GRM1: variants seen among roughly 807,000 people sequenced by gnomAD.
The protein encoded by GRM1 is glutamate metabotropic receptor 1.
A neutral mutation model predicts 90.9 loss-of-function variants in GRM1; 33 were observed. The observed-to-expected ratio is 0.36, with a 90% CI of 0.28 to 0.49. GRM1 has a LOEUF of 0.49. Ranked by LOEUF, GRM1 falls within the 20% of genes least tolerant of loss-of-function variation. GRM1 has a pLI of 0.99. For missense variants in GRM1, 1,190 were observed against 1,534.3 expected, an observed-to-expected ratio of 0.78 and a Z score of 3.75; for synonymous variants, 700 against 613.2, an observed-to-expected ratio of 1.14 and a Z score of -2.09.
chr6:146,271,114 C>T (rs1031230836), intron 2 of GRM1, among the ~76,000 whole-genome samples: 1 of 151,830 alleles, frequency 6.6e-6, no homozygotes, highest in Admixed American at 6.6e-5. Flanking sequence ...AAGCAATTCT[C>T]CTGCCTCAAC....
In GRM1 at chr6:146,178,836, A is replaced by G. The variant is rs145878794; in HGVS notation, c.950+19239A>G. Reference sequence around the variant, plus strand: ...CTATCTGCCCTAGACCAACTTGTGTACTGTTCATTATGTACATCACCCACT... The same window carrying G: ...CTATCTGCCCTAGACCAACTTGTGTGCTGTTCATTATGTACATCACCCACT... On this transcript the variant is annotated intron_variant, in intron 2 of 7. Coordinates refer to ENST00000282753, the MANE Select transcript of GRM1 (RefSeq NM_001278064.2). Among the ~76,000 whole-genome samples, 95 of 152,278 alleles carry G rather than the reference A, an allele frequency of 6.2e-4. No homozygotes were observed. The Middle Eastern group carries it at 0.014, about 22-fold the overall frequency.
intron 7 of GRM1, among the ~76,000 whole-genome samples, chr6:146,414,436 C>T (rs1777693761): frequency 6.8e-6 from 1 of 146,618 alleles, no homozygotes; most frequent in Non-Finnish European, 1.5e-5. Context: ...TGGAGTCTCA[C>T]ACTGTCGTCC....
intron 3 of GRM1, among the ~76,000 whole-genome samples, chr6:146,332,605 C>G (rs1324038887): frequency 6.6e-6 from 1 of 152,184 alleles, no homozygotes; most frequent in Non-Finnish European, 1.5e-5. Context: ...GGAATTTGCC[C>G]ACTTGAATAA....
intron 5 of GRM1, among the ~76,000 whole-genome samples, chr6:146,380,374 C>A (rs1211038906): frequency 6.9e-6 from 1 of 143,964 alleles, no homozygotes; most frequent in Non-Finnish European, 1.5e-5. Flanking sequence ...CATCAGAGAG[C>A]CCTTTGGCAT....
At chr6:146,050,448 T>G (rs1791484478) in intron 1 of GRM1, among the ~76,000 whole-genome samples, 1 of 152,026 alleles carries the variant, frequency 6.6e-6, no homozygotes, top group Non-Finnish European at 1.5e-5. Context: ...TTGAAAAACC[T>G]TCAAACACAG....
At chr6:146,329,699 T>C (rs1784518922) in intron 3 of GRM1, among the ~76,000 whole-genome samples, 1 of 152,178 alleles carries the variant, frequency 6.6e-6, no homozygotes, top group South Asian at 2.1e-4. Flanking sequence ...AAATCAAAAA[T>C]GTGTTGAATA....
chr6:146,161,275 G>A (rs773206253), intron 2 of GRM1, among the ~76,000 whole-genome samples: 2 of 152,122 alleles, frequency 1.3e-5, no homozygotes, highest in South Asian at 2.1e-4. Context: ...TGGCAAACCT[G>A]TGAGCTTCGG....
At chr6:146,409,478 T>C (rs1777480407) in intron 7 of GRM1, among the ~76,000 whole-genome samples, 1 of 152,186 alleles carries the variant, frequency 6.6e-6, no homozygotes, top group African/African-American at 2.4e-5. Flanking sequence ...ACTTCTATTA[T>C]ATAGATTTCT....
chr6:146,208,587 A>G (rs773863811), intron 2 of GRM1, among the ~76,000 whole-genome samples: 11 of 152,086 alleles, frequency 7.2e-5, no homozygotes, highest in Admixed American at 4.6e-4. Context: ...CATTCTACTC[A>G]TGTCGGGGTC....
chr6:146,118,001 T>G (rs1775821890), intron 1 of GRM1, among the ~76,000 whole-genome samples: 1 of 152,130 alleles, frequency 6.6e-6, no homozygotes, highest in South Asian at 2.1e-4. Context: ...CCTTTTGTTT[T>G]GAATTCATTT....
At chr6:146,094,596 T>A (rs1776817326) in intron 1 of GRM1, among the ~76,000 whole-genome samples, 1 of 152,156 alleles carries the variant, frequency 6.6e-6, no homozygotes, top group South Asian at 2.1e-4. Context: ...GTATGTGTAA[T>A]TAATCATTTC....
chr6:146,251,520 G>T (rs557156062), intron 2 of GRM1, among the ~76,000 whole-genome samples: 1 of 152,188 alleles, frequency 6.6e-6, no homozygotes, highest in Non-Finnish European at 1.5e-5. Flanking sequence ...GAAGTGAGGG[G>T]CAGCCTTGCT....
intron 3 of GRM1, among the ~76,000 whole-genome samples, chr6:146,328,184 G>T (rs1784460989): frequency 6.6e-6 from 1 of 152,162 alleles, no homozygotes; most frequent in Non-Finnish European, 1.5e-5. Context: ...TTCTGTAATT[G>T]CAATCATTTA....
chr6:146,051,404 T>G (rs1775284289), intron 1 of GRM1, among the ~76,000 whole-genome samples: 2 of 143,270 alleles, frequency 1.4e-5, no homozygotes, highest in African/African-American at 5.2e-5. Context: ...CTAAGTCTTT[T>G]TCAGAGACCT....
At chr6:146,234,651 T>C (rs942837491) in intron 2 of GRM1, among the ~76,000 whole-genome samples, 6 of 152,202 alleles carry the variant, frequency 3.9e-5, no homozygotes, top group African/African-American at 1.4e-4. Flanking sequence ...TCTTCTGACA[T>C]ATTTTATAAA....
chr6:146,304,591 C>T lies in GRM1; in HGVS notation c.951-20C>T, dbSNP rs753452715. 2.0e-5 allele frequency: 30 copies of T among 1,513,176 alleles called. No homozygotes were observed. Among genetic ancestry groups the T allele is most frequent in the Non-Finnish European group, 2.7e-5 (29 of 1,088,696 alleles). 93.7% of individuals were successfully genotyped at this position (1,513,176 alleles called of 1,614,324 possible). On this transcript the variant is annotated intron_variant, in intron 2 of 7. Transcript: ENST00000282753. Reference sequence around the variant, plus strand: ...ATGTTTGTCTTTCTCTCTCCCTACCCCAATCCCTGCATTTTTTAGTGATGG... The same window carrying T: ...ATGTTTGTCTTTCTCTCTCCCTACCTCAATCCCTGCATTTTTTAGTGATGG...
intron 1 of GRM1, among the ~76,000 whole-genome samples, chr6:146,065,919 A>T (rs374446831): frequency 3.3e-4 from 50 of 152,334 alleles, no homozygotes; most frequent in African/African-American, 1.1e-3. Context: ...GGACATGCAC[A>T]TAAGACAGGC....
intron 2 of GRM1, among the ~76,000 whole-genome samples, chr6:146,250,327 C>T (rs889895060): frequency 2.6e-5 from 4 of 152,140 alleles, no homozygotes; most frequent in Non-Finnish European, 5.9e-5. Context: ...AAATTGCAAT[C>T]ACCATAATCC....
intron 7 of GRM1, among the ~76,000 whole-genome samples, chr6:146,415,662 C>T (rs1051302791): frequency 2.6e-5 from 4 of 152,122 alleles, no homozygotes; most frequent in Non-Finnish European, 5.9e-5. Context: ...TCTTATTTTC[C>T]ATGATTGTTT....
Sources: allele counts gnomAD v4.1 joint callset (sites outside exome capture counted in the v4.1 genomes callset), GRCh38; gene constraint gnomAD v4.1.1; transcripts MANE v1.5; gene names NCBI Gene and HGNC (gene_info 2026-07-23, HGNC 2026-07-21).